The following REC114 variants were observed in gnomAD, a reference collection of about 807,000 sequenced individuals.
The protein encoded by REC114 is meiotic recombination protein REC114.
A neutral mutation model predicts 31.3 loss-of-function variants in REC114; 27 were observed. That is an observed-to-expected ratio of 0.86 (90% CI 0.64 to 1.19). The LOEUF is 1.19. Ranked by LOEUF, REC114 falls within the 50% of genes most tolerant of loss-of-function variation. The pLI, the probability that REC114 is intolerant of heterozygous loss-of-function variation, is 0.00. For missense variants in REC114, 344 were observed against 326.9 expected (o/e 1.05, Z -0.40); for synonymous variants, 134 against 127.7 (o/e 1.05, Z -0.33).
chr15:73,513,202 C>G (rs999435782), intron 2 of REC114, among the ~76,000 whole-genome samples: 4 of 149,506 alleles, frequency 2.7e-5, no homozygotes, highest in African/African-American at 9.8e-5. Context: ...ATTTCATCTT[C>G]CATTGCTGAT....
chr15:73,443,282 A>G lies in REC114; in HGVS notation c.97A>G (p.Asn33Asp), dbSNP rs774401829. Residue 33 changes from asparagine (N) to aspartate (D), a missense_variant, in exon 1 of 6, where the codon AAC becomes GAC. Coordinates refer to ENST00000331090, the MANE Select transcript of REC114 (RefSeq NM_001042367.2). ...GCGGTACGCCCGCTGCATACCCTCA[A>G]ACACCAGAGACCCACCTGGGCCATG... ...LQRYARCIPS[N>D]TRDPPGPCLE... 1.2e-5 allele frequency: 19 copies of G among 1,581,870 alleles called. No individual in the cohort carries two copies. The highest frequency in any genetic ancestry group is 1.5e-5 in the Non-Finnish European group (18 of 1,165,102).
rs1030050901 is a variant in REC114, at chr15:73,496,961, T to G, written c.249+23040T>G. Among the ~76,000 whole-genome samples, 5 of 151,964 alleles carry G rather than the reference T, an allele frequency of 3.3e-5. No homozygotes were observed. The South Asian group carries it at 1.0e-3, about 32-fold the overall frequency. The stretch of plus-strand genomic sequence containing the variant: ...TTTTTTTTAATAACTTTGACACTTT[T>G]GAAGAGTACTAGCCAGTTACCTTGT... On this transcript the variant is annotated intron_variant, in intron 2 of 5. Coordinates refer to ENST00000331090, the MANE Select transcript of REC114 (RefSeq NM_001042367.2).
chr15:73,501,585 C>T (rs960281597), intron 2 of REC114, among the ~76,000 whole-genome samples: 10 of 152,148 alleles, frequency 6.6e-5, no homozygotes, highest in Non-Finnish European at 1.2e-4. Flanking sequence ...GCTGGAATAA[C>T]AGGTATGTGC....
intron 2 of REC114, among the ~76,000 whole-genome samples, chr15:73,482,995 C>A (rs989760134): frequency 1.3e-5 from 2 of 151,684 alleles, no homozygotes; most frequent in Non-Finnish European, 2.9e-5. Flanking sequence ...TTCTCCACAT[C>A]CTTGCCAATG....
intron 2 of REC114, among the ~76,000 whole-genome samples, chr15:73,533,653 C>T (rs1894116427): frequency 4.9e-5 from 7 of 142,144 alleles, no homozygotes; most frequent in South Asian, 2.3e-4. Flanking sequence ...ACAAGGATAC[C>T]CAGGAATTGA....
Position 73,534,887 on chromosome 15 carries a change from A to G in REC114, c.250-5598A>G, listed in dbSNP as rs1243393037. 1.0e-4 allele frequency among the ~76,000 whole-genome samples: 15 copies of G among 144,518 alleles called. No homozygotes were observed. In the South Asian group the frequency reaches 1.4e-3, roughly 13 times the overall value. 94.8% of individuals were successfully genotyped at this position (144,518 alleles called of 152,430 possible). A position where few individuals can be genotyped will look rare whatever the true frequency, so the allele number is the denominator to read the frequency against. ...AGGCTGGTTCAATATACGCAAATCA[A>G]TAAATGTAATCCAGCACATAAACAG... On this transcript the variant is annotated intron_variant, in intron 2 of 5. Coordinates refer to ENST00000331090, the MANE Select transcript of REC114 (RefSeq NM_001042367.2).
intron 2 of REC114, among the ~76,000 whole-genome samples, chr15:73,496,081 C>T (rs1456675742): frequency 1.3e-5 from 2 of 151,760 alleles, no homozygotes; most frequent in African/African-American, 4.8e-5. Context: ...TGGCTGGGTG[C>T]GGTGGCTCAC....
intron 2 of REC114, among the ~76,000 whole-genome samples, chr15:73,534,327 A>G (rs528459488): frequency 2.0e-5 from 3 of 152,240 alleles, no homozygotes; most frequent in Admixed American, 2.0e-4. Context: ...AATAGACACA[A>G]TAAAAAATGA....
At position 73,499,066 on chromosome 15, in the gene REC114, T is replaced by C. The variant is rs530802127; in HGVS notation, c.249+25145T>C. 1.2e-3 allele frequency among the ~76,000 whole-genome samples: 188 copies of C among 152,196 alleles called. 1 individual carries two copies. Among genetic ancestry groups the C allele is most frequent in the African/African-American group, 4.2e-3 (175 of 41,554 alleles). ...TGCAGAATGGTGCTCAGCTAAACTCTTCCCCATGTCATTGGTCTACCAAGT... is the reference window on the plus strand; with the variant it reads ...TGCAGAATGGTGCTCAGCTAAACTCCTCCCCATGTCATTGGTCTACCAAGT... On this transcript the variant is annotated intron_variant, in intron 2 of 5. Transcript: ENST00000331090.
chr15:73,494,109 C>A (rs1171090884), intron 2 of REC114, among the ~76,000 whole-genome samples: 5 of 152,168 alleles, frequency 3.3e-5, no homozygotes, highest in East Asian at 3.8e-4. Context: ...CATCACAATA[C>A]CATGTCTTGC....
chr15:73,456,081 G>T (rs1892911136), intron 1 of REC114, among the ~76,000 whole-genome samples: 1 of 152,160 alleles, frequency 6.6e-6, no homozygotes, highest in African/African-American at 2.4e-5. Context: ...TAATATTTAA[G>T]CCATCTGTCG....
intron 1 of REC114, among the ~76,000 whole-genome samples, chr15:73,454,018 G>T (rs1173880664): frequency 6.6e-6 from 1 of 152,050 alleles, no homozygotes; most frequent in African/African-American, 2.4e-5. Context: ...ACCTAATGTA[G>T]ACCACAGGTT....
intron 1 of REC114, among the ~76,000 whole-genome samples, chr15:73,445,587 G>A (rs1892753293): frequency 1.3e-5 from 2 of 152,156 alleles, no homozygotes. Flanking sequence ...TAAAATGAGA[G>A]ATATGTGATT....
intron 1 of REC114, among the ~76,000 whole-genome samples, chr15:73,450,167 G>A (rs139170622): frequency 0.01 from 1,559 of 152,208 alleles, 25 homozygotes; most frequent in African/African-American, 0.036. Flanking sequence ...TGGGCTAAAT[G>A]CCCCAATTAA....
intron 1 of REC114, among the ~76,000 whole-genome samples, chr15:73,459,106 G>A (rs1259020541): frequency 6.6e-6 from 1 of 151,972 alleles, no homozygotes; most frequent in Non-Finnish European, 1.5e-5. Flanking sequence ...AGGAATGAAG[G>A]CCAGACATTC....
chr15:73,559,003 T>C (rs982599833), intron 5 of REC114, among the ~76,000 whole-genome samples: 8 of 152,252 alleles, frequency 5.3e-5, no homozygotes, highest in Non-Finnish European at 1.0e-4. Context: ...ACATCATGGA[T>C]TAATCCCAAA....
intron 2 of REC114, among the ~76,000 whole-genome samples, chr15:73,521,525 C>G (rs898403665): frequency 1.3e-5 from 2 of 150,784 alleles, no homozygotes; most frequent in Non-Finnish European, 3.0e-5. Flanking sequence ...AAATGTATAA[C>G]AAAAAAAATC....
At chr15:73,514,180 A>G (rs1893823547) in intron 2 of REC114, among the ~76,000 whole-genome samples, 2 of 150,778 alleles carry the variant, frequency 1.3e-5, no homozygotes, top group African/African-American at 4.9e-5. Flanking sequence ...GAAAAGCGCA[A>G]TATTCGGGTG....
At chr15:73,473,195 C>A (rs1250801837) in intron 1 of REC114, among the ~76,000 whole-genome samples, 1 of 152,058 alleles carries the variant, frequency 6.6e-6, no homozygotes, top group Non-Finnish European at 1.5e-5. Context: ...TCGAGACCAG[C>A]CTGACGAACA....
Sources: gnomAD v4.1 joint callset for allele counts (sites outside exome capture counted in the v4.1 genomes callset) on GRCh38, gnomAD v4.1.1 for gene constraint, MANE v1.5 for transcripts, NCBI Gene and HGNC (gene_info 2026-07-23, HGNC 2026-07-21) for gene names.